The following CACNA1E variants were observed in gnomAD, a reference collection of about 807,000 sequenced individuals.
The protein encoded by CACNA1E is voltage-dependent R-type calcium channel subunit alpha-1E.
In CACNA1E, 40 loss-of-function variants were observed where a neutral mutation model predicts 259.2. The observed-to-expected ratio is 0.15, with a 90% CI of 0.12 to 0.20. The LOEUF (loss-of-function observed/expected upper bound fraction) is 0.20. Ranked by LOEUF, CACNA1E falls within the 10% of genes least tolerant of loss-of-function variation. CACNA1E has a pLI of 1.00. For missense variants in CACNA1E, 1,874 were observed against 3,040.1 expected (o/e 0.62, Z 9.02); for synonymous variants, 1,104 against 1,138.5 (o/e 0.97, Z 0.61).
chr1:181,518,386 C>A (rs1666744345), intron 3 of CACNA1E, among the ~76,000 whole-genome samples: 1 of 152,180 alleles, frequency 6.6e-6, no homozygotes, highest in African/African-American at 2.4e-5. Flanking sequence ...TAGCTCCACA[C>A]TGGGGAGCAC....
chr1:181,395,045 A>T (rs1656566729), intron 1 of CACNA1E, among the ~76,000 whole-genome samples: 1 of 152,212 alleles, frequency 6.6e-6, no homozygotes, highest in South Asian at 2.1e-4. Context: ...CTCACGCTGC[A>T]CATTGGTTAC....
intron 1 of CACNA1E, among the ~76,000 whole-genome samples, chr1:181,384,387 C>T (rs985185060): frequency 2.0e-5 from 3 of 152,168 alleles, no homozygotes; most frequent in Non-Finnish European, 2.9e-5. Flanking sequence ...GGAAAATCTA[C>T]TCTTCTTTTG....
At chr1:181,399,538 G>A (rs1285825385) in intron 1 of CACNA1E, among the ~76,000 whole-genome samples, 1 of 152,236 alleles carries the variant, frequency 6.6e-6, no homozygotes, top group Non-Finnish European at 1.5e-5. Context: ...AGTTGCTTGG[G>A]TGGTGGGGGA....
chr1:181,436,709 G>T (rs77877878), intron 2 of CACNA1E, among the ~76,000 whole-genome samples: 2,433 of 152,072 alleles, frequency 0.016, 14 homozygotes, highest in African/African-American at 0.024. Context: ...GGGGACGAGG[G>T]GGGTGGATGA....
chr1:181,629,297 T>A (rs1259003773), intron 6 of CACNA1E, among the ~76,000 whole-genome samples: 1 of 152,192 alleles, frequency 6.6e-6, no homozygotes, highest in Admixed American at 6.5e-5. Context: ...GAGTGAGTTG[T>A]GGGGAAAAGT....
chr1:181,640,234 CA>C (rs897224987), intron 6 of CACNA1E, among the ~76,000 whole-genome samples: 2 of 152,192 alleles, frequency 1.3e-5, no homozygotes, highest in Admixed American at 1.3e-4. Flanking sequence ...AAACTGACCT[CA>C]TAGGGCCATC....
intron 6 of CACNA1E, among the ~76,000 whole-genome samples, chr1:181,604,309 C>T (rs1020725293): frequency 6.6e-6 from 1 of 152,190 alleles, no homozygotes; most frequent in Admixed American, 6.5e-5. Flanking sequence ...CCAGGACCCC[C>T]AGACCCCACT....
rs533364593 is a variant in CACNA1E at position 181,686,414 on chromosome 1, G to C, written c.1056-24540G>C. On this transcript the variant is annotated intron_variant, in intron 7 of 47. Coordinates refer to ENST00000367573, the MANE Select transcript of CACNA1E (RefSeq NM_001205293.3). ...CGATTCTCCTGCCTCAGCCTCCCGA[G>C]TAGCTGGGATTACAGGCATGCGCCA... Among the ~76,000 whole-genome samples the C allele has an allele frequency of 3.3e-5, 5 of 149,878 alleles. No homozygotes were observed. The East Asian group carries it at 1.0e-3, about 30-fold the overall frequency.
chr1:181,613,138 C>T (rs1415604843), intron 6 of CACNA1E, among the ~76,000 whole-genome samples: 1 of 152,148 alleles, frequency 6.6e-6, no homozygotes, highest in African/African-American at 2.4e-5. Flanking sequence ...ATAACTGTAG[C>T]TTTATAATAA....
chr1:181,458,822 TACCCATCC>T (rs1163100565), intron 2 of CACNA1E, among the ~76,000 whole-genome samples: 2 of 136,660 alleles, frequency 1.5e-5, no homozygotes, highest in African/African-American at 5.6e-5. Flanking sequence ...ATCATTTATT[TACCCATCC>T]ATCCATCCAT....
intron 1 of CACNA1E, among the ~76,000 whole-genome samples, chr1:181,348,855 A>T (rs1469818155): frequency 6.6e-6 from 1 of 152,172 alleles, no homozygotes; most frequent in Non-Finnish European, 1.5e-5. Flanking sequence ...GTGAGTTCTC[A>T]TATCCTCATT....
intron 2 of CACNA1E, among the ~76,000 whole-genome samples, chr1:181,420,156 CCTA>C (rs1000636623): frequency 6.6e-6 from 1 of 152,144 alleles, no homozygotes; most frequent in African/African-American, 2.4e-5. Flanking sequence ...AATCCTGTCT[CCTA>C]GACACTGAGT....
At chr1:181,637,772 A>T (rs147065851) in intron 6 of CACNA1E, among the ~76,000 whole-genome samples, 22 of 152,226 alleles carry the variant, frequency 1.4e-4, no homozygotes, top group African/African-American at 5.3e-4. Context: ...GGCATAAGGG[A>T]GTGACTGACT....
At chr1:181,672,055 T>C (rs1018229791) in intron 7 of CACNA1E, among the ~76,000 whole-genome samples, 3 of 152,116 alleles carry the variant, frequency 2.0e-5, no homozygotes, top group African/African-American at 7.2e-5. Context: ...TATGCAGCCA[T>C]AAAAAAGAAC....
intron 1 of CACNA1E, among the ~76,000 whole-genome samples, chr1:181,358,267 G>A (rs1415284958): frequency 6.6e-6 from 1 of 152,128 alleles, no homozygotes; most frequent in African/African-American, 2.4e-5. Context: ...TTTGGAGCAG[G>A]TGAGTTATAC....
intron 2 of CACNA1E, among the ~76,000 whole-genome samples, chr1:181,425,952 C>T (rs1174229192): frequency 6.6e-6 from 1 of 152,120 alleles, no homozygotes; most frequent in East Asian, 1.9e-4. Flanking sequence ...CACTGCTGTT[C>T]TAAAAAGGCA....
intron 1 of CACNA1E, among the ~76,000 whole-genome samples, chr1:181,497,077 G>C (rs1664818993): frequency 6.6e-6 from 1 of 152,104 alleles, no homozygotes; most frequent in Non-Finnish European, 1.5e-5. Context: ...TTCTCATAGA[G>C]AGGTATTTAT....
chr1:181,506,532 A>G (rs1162065340), intron 1 of CACNA1E, among the ~76,000 whole-genome samples: 1 of 152,226 alleles, frequency 6.6e-6, no homozygotes, highest in Non-Finnish European at 1.5e-5. Context: ...TCTGCTAAGC[A>G]CTGCCAGTAG....
At chr1:181,402,888 T>C (rs1016658000) in intron 1 of CACNA1E, among the ~76,000 whole-genome samples, 1 of 152,250 alleles carries the variant, frequency 6.6e-6, no homozygotes, top group African/African-American at 2.4e-5. Context: ...GAATTCTAGG[T>C]ACAGTGTTAC....
Sources: gnomAD v4.1 joint callset for allele counts (sites outside exome capture counted in the v4.1 genomes callset) on GRCh38, gnomAD v4.1.1 for gene constraint, MANE v1.5 for transcripts, NCBI Gene and HGNC (gene_info 2026-07-23, HGNC 2026-07-21) for gene names.